The following MARF1 variants were observed in gnomAD, a reference collection of about 807,000 sequenced individuals.
The protein encoded by MARF1 is limkain-b1.
Under a neutral mutation model 168.2 loss-of-function variants are expected in MARF1, and 24 were observed. The ratio of observed to expected loss-of-function variants is 0.14; its 90% confidence interval spans 0.10 to 0.20. The LOEUF is 0.20. MARF1 is among the 10% of genes least tolerant of loss of function. The pLI is 1.00. For missense variants in MARF1, 1,744 were observed against 2,143.6 expected, an observed-to-expected ratio of 0.81 and a Z score of 3.68; for synonymous variants, 868 against 822.4, an observed-to-expected ratio of 1.06 and a Z score of -0.95.
At chr16:15,608,737 A>T (rs2033249973) in intron 20 of MARF1, 1 of 565,790 alleles carries the variant, frequency 1.8e-6, no homozygotes, top group Non-Finnish European at 3.1e-6. Flanking sequence ...GATAGTTACG[A>T]AGGTAAGTTC....
intron 5 of MARF1, 138 bp downstream of exon 5, chr16:15,633,479 G>A (rs867917171): frequency 1.6e-6 from 1 of 620,758 alleles, no homozygotes; most frequent in East Asian, 2.9e-5. Context: ...CCCAGGGTTC[G>A]AGGCTGCAGG....
chr16:15,598,739 T>G, intron 26 of MARF1, 115 bp downstream of exon 26: 1 of 1,020,080 alleles, frequency 9.8e-7, no homozygotes, highest in Non-Finnish European at 1.5e-6. Flanking sequence ...CACAGTGTTT[T>G]CCACCTGAAA....
At chr16:15,604,126 T>TA in intron 22 of MARF1, 42 bp downstream of exon 22, 2 of 1,429,456 alleles carry the variant, frequency 1.4e-6, no homozygotes, top group Non-Finnish European at 2.0e-6. Context: ...GCCCAATCGA[T>TA]AGTTTTCAAT....
intron 6 of MARF1, 58 bp downstream of exon 6, chr16:15,631,323 T>G (rs2151266431): frequency 8.5e-7 from 1 of 1,179,318 alleles, no homozygotes; most frequent in Middle Eastern, 1.9e-4. Flanking sequence ...TGCTGGCTTC[T>G]ATGATAATTT....
At chr16:15,598,521 G>A (rs982216082) in intron 26 of MARF1, among the ~76,000 whole-genome samples, 1 of 152,106 alleles carries the variant, frequency 6.6e-6, no homozygotes, top group African/African-American at 2.4e-5. Flanking sequence ...CTGGTGACAG[G>A]TGTGCCTGAG....
chr16:15,600,270 TACTA>T (rs2032278403), intron 25 of MARF1, among the ~76,000 whole-genome samples, 154 bp downstream of exon 25: 1 of 152,188 alleles, frequency 6.6e-6, no homozygotes, highest in South Asian at 2.1e-4. Flanking sequence ...TTTATCCTGT[TACTA>T]ACTAAATACC....
intron 8 of MARF1, 91 bp from the exon 9 acceptor site, chr16:15,625,264 C>T (rs1428229303): frequency 6.4e-7 from 1 of 1,555,282 alleles, no homozygotes; most frequent in Non-Finnish European, 8.7e-7. Flanking sequence ...TGAGTATCAT[C>T]AAACACTGAA....
At chr16:15,602,470 A>G (rs915821782) in intron 22 of MARF1, 3 of 599,498 alleles carry the variant, frequency 5.0e-6, no homozygotes, top group Non-Finnish European at 8.8e-6. Context: ...ACAAAGATGA[A>G]GACAAAGAAC....
intron 1 of MARF1, among the ~76,000 whole-genome samples, chr16:15,639,521 C>A (rs1000729501): frequency 1.3e-5 from 2 of 152,178 alleles, no homozygotes; most frequent in Non-Finnish European, 2.9e-5. Context: ...CTGCCTCAGC[C>A]TCCAGAGTAG....
At chr16:15,614,932 C>T (rs1044320188) in intron 16 of MARF1, among the ~76,000 whole-genome samples, 3 of 152,088 alleles carry the variant, frequency 2.0e-5, no homozygotes, top group Admixed American at 1.3e-4. Flanking sequence ...TTACAGGTGC[C>T]CACCATCATG....
intron 17 of MARF1, among the ~76,000 whole-genome samples, chr16:15,612,299 TGAA>T (rs200006277): frequency 0.013 from 1,998 of 152,338 alleles, 22 homozygotes; most frequent in South Asian, 0.034. Flanking sequence ...TGTGCTGGGA[TGAA>T]GAAGGTCTAT....
chr16:15,628,456 C>T (rs2035025763), intron 7 of MARF1, among the ~76,000 whole-genome samples: 1 of 151,966 alleles, frequency 6.6e-6, no homozygotes, highest in South Asian at 2.1e-4. Context: ...GTCACCCAGG[C>T]TGGAGTGCAG....
Position 15,611,102 on chromosome 16 carries a change from G to A in MARF1, c.3624C>T (p.Phe1208=), listed in dbSNP as rs756277852. The change falls in exon 19 of 27, where the codon TTC becomes TTT. Residue 1208 remains phenylalanine, a synonymous_variant. Transcript: ENST00000396368. ...ATTCAGTGACATCCCAGTCCTTTGAGAAACACCTAGGTTTTAACAACGGAA... is the reference window on the plus strand; with the variant it reads ...ATTCAGTGACATCCCAGTCCTTTGAAAAACACCTAGGTTTTAACAACGGAA... ...REFSQAYHWC[F]SKDWDVTEYG... is the part of the protein sequence containing the mutation. 1.2e-6 allele frequency: 2 copies of A among 1,613,742 alleles called. No homozygotes were observed. Among genetic ancestry groups the A allele is most frequent in the East Asian group, 2.2e-5 (1 of 44,852 alleles).
rs919856316 is a variant in MARF1, at chr16:15,611,029, T to C, written c.3697A>G (p.Thr1233Ala). Residue 1233 changes from threonine (T) to alanine (A), a missense_variant, in exon 19 of 27, where the codon ACC (threonine) becomes GCC (alanine). Physicochemically the swap from Thr to Ala is moderately conservative, Grantham distance 58. Around this residue, in one of 7 missense-constraint regions of MARF1, gnomAD observed 543 missense variants for 742.1 expected, o/e 0.73. Coordinates refer to ENST00000396368, the MANE Select transcript of MARF1 (RefSeq NM_014647.4). Reference protein sequence around the residue: ...IDIVSEIPDTTICLSQQDNEM... With the variant: ...IDIVSEIPDTAICLSQQDNEM... The stretch of plus-strand genomic sequence containing the variant: ...TTATCTTGTTGGGACAAGCAGATGG[T>C]TGTGTCTGGAATCTCTGATACGATG... 5 of 1,613,880 alleles carry C rather than the reference T, an allele frequency of 3.1e-6. No individual in the cohort carries two copies. Among genetic ancestry groups the C allele is most frequent in the East Asian group, 2.2e-5 (1 of 44,880 alleles).
At chr16:15,601,817 G>T in intron 23 of MARF1, 174 bp downstream of exon 23, 1 of 640,244 alleles carries the variant, frequency 1.6e-6, no homozygotes, top group Non-Finnish European at 2.8e-6. Context: ...TTTACAGAAA[G>T]AATCAAGGAG....
chr16:15,640,800 G>A (rs1055761974), intron 1 of MARF1, among the ~76,000 whole-genome samples: 8 of 152,218 alleles, frequency 5.3e-5, no homozygotes. Context: ...GCCTATGACT[G>A]CTTTTGCATT....
chr16:15,642,056 C>G (rs951830504), intron 1 of MARF1, among the ~76,000 whole-genome samples: 15 of 152,330 alleles, frequency 9.8e-5, no homozygotes, highest in African/African-American at 3.6e-4. Flanking sequence ...CTCTGAACCT[C>G]AGATCCCATC....
chr16:15,602,527 G>A (rs777153105), intron 22 of MARF1: 13 of 474,874 alleles, frequency 2.7e-5, no homozygotes, highest in South Asian at 1.2e-4. Flanking sequence ...AGACGAAGAC[G>A]ACGATAAAGA....
In MARF1 at chr16:15,615,308, C is replaced by CAACACAGCAAGGCCCTATCTAAAA. The variant is rs370593363; in HGVS notation, c.3253+498_3253+521dup. On this transcript the variant is annotated intron_variant, in intron 16 of 26. Coordinates refer to ENST00000396368, the MANE Select transcript of MARF1 (RefSeq NM_014647.4). ...CTCAGGAGTTCAAGAGCAGCCTGGA[C>CAACACAGCAAGGCCCTATCTAAAA]AACACAGCAAGGCCCTATCTAAAAA... Among the ~76,000 whole-genome samples the CAACACAGCAAGGCCCTATCTAAAA allele has an allele frequency of 1.3e-4, 20 of 152,062 alleles. No homozygotes were observed. The East Asian group carries it at 3.9e-3, about 29-fold the overall frequency.
Sources: allele counts gnomAD v4.1 joint callset (sites outside exome capture counted in the v4.1 genomes callset), GRCh38; gene constraint gnomAD v4.1.1; regional missense constraint gnomAD v4.1.1; transcripts MANE v1.5; gene names NCBI Gene and HGNC (gene_info 2026-07-23, HGNC 2026-07-21).